INPP4B: variants seen among roughly 807,000 people sequenced by gnomAD.
The protein encoded by INPP4B is inositol polyphosphate-4-phosphatase type II B.
A neutral mutation model predicts 122.5 loss-of-function variants in INPP4B; 55 were observed. The ratio of observed to expected loss-of-function variants is 0.45; its 90% CI spans 0.36 to 0.56. The LOEUF is 0.56. INPP4B is among the 20% of genes least tolerant of loss of function. INPP4B has a pLI of 0.00. For synonymous variants in INPP4B, 403 were observed against 388.7 expected (o/e 1.04, Z -0.43); for missense variants, 1,000 against 1,097.7 (o/e 0.91, Z 1.26).
At chr4:142,068,768 A>T (rs1290853062) in intron 25 of INPP4B, among the ~76,000 whole-genome samples, 1 of 152,250 alleles carries the variant, frequency 6.6e-6, no homozygotes, top group African/African-American at 2.4e-5. Flanking sequence ...GATCAATTCA[A>T]CAAGAAGAGC....
chr4:142,175,507 C>T (rs1484417746), intron 15 of INPP4B, among the ~76,000 whole-genome samples: 1 of 152,006 alleles, frequency 6.6e-6, no homozygotes, highest in Non-Finnish European at 1.5e-5. Flanking sequence ...TTTATGAAGG[C>T]TAAGAAACGC....
At chr4:142,830,894 T>G (rs559007069) in intron 1 of INPP4B, among the ~76,000 whole-genome samples, 137 of 149,814 alleles carry the variant, frequency 9.1e-4, no homozygotes, top group Non-Finnish European at 1.7e-3. Context: ...TGGTAGCATA[T>G]GCCTGTAGTC....
chr4:142,386,223 G>A (rs1438203902), intron 7 of INPP4B, among the ~76,000 whole-genome samples: 1 of 152,060 alleles, frequency 6.6e-6, no homozygotes, highest in Non-Finnish European at 1.5e-5. Flanking sequence ...TTTTAGAGAT[G>A]AATAGTATTC....
At chr4:142,182,932 C>G (rs1024858807) in intron 15 of INPP4B, among the ~76,000 whole-genome samples, 2 of 152,228 alleles carry the variant, frequency 1.3e-5, no homozygotes, top group African/African-American at 4.8e-5. Context: ...ACTCCAAATA[C>G]TATGATCACG....
chr4:142,074,161 G>A (rs79799584), intron 25 of INPP4B, among the ~76,000 whole-genome samples: 2,378 of 152,092 alleles, frequency 0.016, 81 homozygotes, highest in African/African-American at 0.055. Flanking sequence ...CTGAAACAGT[G>A]TCTTCTAAAT....
chr4:142,479,382 C>T (rs974895992), intron 2 of INPP4B, among the ~76,000 whole-genome samples: 2 of 152,118 alleles, frequency 1.3e-5, no homozygotes, highest in African/African-American at 4.8e-5. Flanking sequence ...ATTAATTCAA[C>T]CATTGTGGAA....
At chr4:142,648,065 G>T (rs558062166) in intron 2 of INPP4B, among the ~76,000 whole-genome samples, 2 of 152,172 alleles carry the variant, frequency 1.3e-5, no homozygotes, top group South Asian at 4.1e-4. Flanking sequence ...TCTTAGAAAG[G>T]AACTCACTGC....
intron 1 of INPP4B, among the ~76,000 whole-genome samples, chr4:142,734,638 T>TTTTG (rs374247716): frequency 1.5e-4 from 23 of 152,002 alleles, no homozygotes; most frequent in Non-Finnish European, 2.4e-4. Flanking sequence ...CACTATTAGA[T>TTTTG]TTTGTTTGTT....
chr4:142,095,862 A>G (rs1010794617), intron 23 of INPP4B, among the ~76,000 whole-genome samples: 6 of 152,178 alleles, frequency 3.9e-5, no homozygotes, highest in African/African-American at 1.4e-4. Context: ...ACTGTTGAAA[A>G]GCTCAGTGTA....
At chr4:142,323,645 C>G (rs896051571) in intron 7 of INPP4B, among the ~76,000 whole-genome samples, 22 of 151,864 alleles carry the variant, frequency 1.4e-4, no homozygotes, top group Admixed American at 6.6e-4. Flanking sequence ...CGGGGTTTCA[C>G]CATGTTAGCC....
At chr4:142,393,610 C>T (rs187359169) in intron 7 of INPP4B, among the ~76,000 whole-genome samples, 3 of 152,318 alleles carry the variant, frequency 2.0e-5, no homozygotes, top group Non-Finnish European at 2.9e-5. Flanking sequence ...CTAAATACGG[C>T]CTGAGAAGAA....
At chr4:142,314,812 G>C (rs771285445) in intron 7 of INPP4B, 50 bp from the exon 8 acceptor site, 1 of 1,464,144 alleles carries the variant, frequency 6.8e-7, no homozygotes, top group Non-Finnish European at 9.4e-7. Context: ...AACTAGTGCA[G>C]AAGCCTCGCA....
chr4:142,724,217 A>G (rs1415003240), intron 2 of INPP4B, among the ~76,000 whole-genome samples: 2 of 152,168 alleles, frequency 1.3e-5, no homozygotes, highest in Non-Finnish European at 2.9e-5. Flanking sequence ...AAGCTTATAC[A>G]TAGCTTACAT....
intron 2 of INPP4B, among the ~76,000 whole-genome samples, chr4:142,559,993 G>C (rs1404493787): frequency 6.6e-6 from 1 of 152,166 alleles, no homozygotes; most frequent in Non-Finnish European, 1.5e-5. Context: ...GCATCTAAGT[G>C]GTATATGAGG....
At chr4:142,296,794 G>A (rs1373163997) in intron 9 of INPP4B, among the ~76,000 whole-genome samples, 7 of 152,158 alleles carry the variant, frequency 4.6e-5, no homozygotes, top group African/African-American at 1.4e-4. Flanking sequence ...TTCTCCCCAA[G>A]TTCTATAAAT....
chr4:142,308,608 A>T (rs1248603492), intron 8 of INPP4B, among the ~76,000 whole-genome samples: 1 of 152,176 alleles, frequency 6.6e-6, no homozygotes, highest in Non-Finnish European at 1.5e-5. Context: ...TTGTAAAAGA[A>T]TGAATGAGAA....
chr4:142,381,555 C>T (rs529511338), intron 7 of INPP4B, among the ~76,000 whole-genome samples: 87 of 152,106 alleles, frequency 5.7e-4, no homozygotes, highest in Non-Finnish European at 1.1e-3. Context: ...GTTTAGATTA[C>T]GATACAGTCA....
intron 18 of INPP4B, among the ~76,000 whole-genome samples, chr4:142,144,735 C>A (rs1809766140): frequency 6.6e-6 from 1 of 152,042 alleles, no homozygotes; most frequent in Non-Finnish European, 1.5e-5. Flanking sequence ...AACAAGAATA[C>A]TTTAGAAAGC....
intron 2 of INPP4B, among the ~76,000 whole-genome samples, chr4:142,542,145 C>G (rs932969653): frequency 1.1e-4 from 16 of 152,188 alleles, no homozygotes; most frequent in Non-Finnish European, 1.9e-4. Flanking sequence ...AGTTCTGGAT[C>G]TCAGGCCTGG....
Sources: allele counts gnomAD v4.1 joint callset (sites outside exome capture counted in the v4.1 genomes callset), GRCh38; gene constraint gnomAD v4.1.1; transcripts MANE v1.5; gene names NCBI Gene and HGNC (gene_info 2026-07-23, HGNC 2026-07-21).